The following CD96 variants were observed in gnomAD, a reference collection of about 807,000 sequenced individuals.
CD96 encodes T-cell surface protein tactile.
Under a neutral mutation model 71.3 loss-of-function variants are expected in CD96, and 70 were observed. The ratio of observed to expected loss-of-function variants is 0.98; its 90% CI spans 0.81 to 1.20. CD96 has a LOEUF of 1.20. Among genes scored for constraint, CD96 ranks in the 50% most tolerant of loss-of-function variants. CD96 has a pLI of 0.00. For synonymous variants in CD96, 248 were observed against 233.0 expected (o/e 1.06, Z -0.59); for missense variants, 742 against 677.5 (o/e 1.10, Z -1.06).
intron 5 of CD96, among the ~76,000 whole-genome samples, chr3:111,597,026 G>C (rs1226958684): frequency 6.6e-6 from 1 of 152,158 alleles, no homozygotes; most frequent in Non-Finnish European, 1.5e-5. Context: ...TCTCGAATTT[G>C]GTTTCTCAGC....
intron 8 of CD96, among the ~76,000 whole-genome samples, chr3:111,618,710 G>A (rs1323812984): frequency 4.0e-5 from 6 of 150,754 alleles, no homozygotes; most frequent in South Asian, 2.1e-4. Context: ...TCAGCCTCTC[G>A]AGTAGCTGGG....
chr3:111,604,933 T>C (rs1454561319), intron 7 of CD96, among the ~76,000 whole-genome samples: 1 of 152,232 alleles, frequency 6.6e-6, no homozygotes, highest in East Asian at 1.9e-4. Context: ...ATGATTTCAC[T>C]GTAGGCCATA....
At chr3:111,656,370 G>T (rs1403672248), downstream of CD96, among the ~76,000 whole-genome samples, 4 of 152,120 alleles carry the variant, frequency 2.6e-5, no homozygotes, top group Non-Finnish European at 5.9e-5. Context: ...CGTTATCAAG[G>T]CTTTGGGGAA....
downstream of CD96, among the ~76,000 whole-genome samples, chr3:111,653,296 T>C (rs1940151119): frequency 6.6e-6 from 1 of 152,192 alleles, no homozygotes; most frequent in African/African-American, 2.4e-5. Flanking sequence ...AACAGGCACA[T>C]AAGTTAGATA....
At chr3:111,585,929 C>T (rs1226836883) in intron 5 of CD96, among the ~76,000 whole-genome samples, 1 of 152,050 alleles carries the variant, frequency 6.6e-6, no homozygotes, top group African/African-American at 2.4e-5. Context: ...GTGGTAGTTA[C>T]CAGCCTGTAG....
chr3:111,636,718 T>A (rs1255632076), intron 10 of CD96, among the ~76,000 whole-genome samples: 1 of 152,332 alleles, frequency 6.6e-6, no homozygotes, highest in East Asian at 1.9e-4. Flanking sequence ...ACTGCTGACA[T>A]GTTTTGTTTT....
chr3:111,655,209 G>C (rs1336848975), downstream of CD96, among the ~76,000 whole-genome samples: 1 of 152,156 alleles, frequency 6.6e-6, no homozygotes, highest in Non-Finnish European at 1.5e-5. Context: ...ATCTAACACA[G>C]TAATAAATAA....
At position 111,608,032 on chromosome 3, in the gene CD96, G is replaced by T. The variant is rs548022539; in HGVS notation, c.1180+1240G>T. On this transcript the variant is annotated intron_variant, in intron 8 of 13. Transcript: ENST00000352690. ...ACATATATTGTCGCATATGGTTTCT[G>T]GGGGTCAGAAATTCAGGAGCAGCCT... is the stretch of plus-strand genomic sequence containing the variant. 2.6e-5 allele frequency among the ~76,000 whole-genome samples: 4 copies of T among 152,256 alleles called. No homozygotes were observed. The South Asian group carries it at 8.3e-4, about 32-fold the overall frequency.
At chr3:111,664,283 G>GA (rs34040212) in intron 14 of CD96, among the ~76,000 whole-genome samples, 8 of 151,822 alleles carry the variant, frequency 5.3e-5, no homozygotes, top group African/African-American at 7.2e-5. Flanking sequence ...TTGTGGACTG[G>GA]AAAAAAAATG....
chr3:111,589,559 C>T (rs1228985158), intron 5 of CD96, among the ~76,000 whole-genome samples: 1 of 152,202 alleles, frequency 6.6e-6, no homozygotes, highest in Non-Finnish European at 1.5e-5. Flanking sequence ...TTAGTAACTC[C>T]TCACTCTAAT....
At chr3:111,664,261 G>C (rs1940428402) in intron 14 of CD96, among the ~76,000 whole-genome samples, 1 of 152,022 alleles carries the variant, frequency 6.6e-6, no homozygotes, top group South Asian at 2.1e-4. Context: ...AATCAACCCA[G>C]TTGTCCATCA....
rs1286918792 is a variant in CD96 at position 111,577,372 on chromosome 3, A to C, written c.544-1655A>C. 5 of 777,024 alleles carry C rather than the reference A, an allele frequency of 6.4e-6. No individual in the cohort carries two copies. The African/African-American group carries it at 6.8e-5, about 11-fold the overall frequency. The allele number at this position is 777,024 out of a possible 1,614,324, so 48.1% of individuals were successfully genotyped here. ...TGCCTTCTTAATTATTGACCTCCAG[A>C]CTTGCCAGTGCTGAGTGACATGCTC... On this transcript the variant is annotated intron_variant, in intron 3 of 13. Coordinates refer to ENST00000352690, the MANE Select transcript of CD96 (RefSeq NM_005816.5).
At position 111,650,154 on chromosome 3, in the gene CD96, T is replaced by G; in HGVS notation, c.*348T>G. 1 of 295,610 alleles carries G rather than the reference T, an allele frequency of 3.4e-6. No individual in the cohort carries two copies. The highest frequency in any genetic ancestry group is 4.4e-5 in the Admixed American group (1 of 22,900). The allele number at this position is 295,610 out of a possible 1,614,324, so 18.3% of individuals were successfully genotyped here. A position where few individuals can be genotyped will look rare whatever the true frequency, so the allele number is the denominator to read the frequency against. On this transcript the variant is annotated 3_prime_UTR_variant, in exon 14 of 14. Coordinates refer to ENST00000352690, the MANE Select transcript of CD96 (RefSeq NM_005816.5). Reference sequence around the variant, plus strand: ...AACAATGGTTTCAACTGTATGCCCATGCCTGATCCTCTTATTTGAACATCT... The same window carrying G: ...AACAATGGTTTCAACTGTATGCCCAGGCCTGATCCTCTTATTTGAACATCT...
intron 10 of CD96, among the ~76,000 whole-genome samples, chr3:111,630,977 A>T (rs1020234520): frequency 6.6e-6 from 1 of 152,168 alleles, no homozygotes; most frequent in African/African-American, 2.4e-5. Flanking sequence ...CTCTCAATAA[A>T]CTAAGGATTG....
At chr3:111,595,520 AC>A (rs1937215060) in intron 5 of CD96, 1 of 151,416 alleles carries the variant, frequency 6.6e-6, no homozygotes, top group African/African-American at 2.4e-5. Context: ...CCTTTTCTCC[AC>A]CCCCTCCACC....
At chr3:111,588,837 T>C (rs1362517048) in intron 5 of CD96, among the ~76,000 whole-genome samples, 2 of 152,226 alleles carry the variant, frequency 1.3e-5, no homozygotes, top group Non-Finnish European at 2.9e-5. Context: ...TTTAATCATT[T>C]TTGCTGTGTT....
At chr3:111,593,735 C>G (rs1220864397) in intron 5 of CD96, 6 of 1,614,210 alleles carry the variant, frequency 3.7e-6, no homozygotes, top group Non-Finnish European at 5.1e-6. Context: ...CTCCTTTTCC[C>G]TTTGGCTGGC....
intron 2 of CD96, among the ~76,000 whole-genome samples, chr3:111,548,050 T>A (rs2107470197): frequency 6.6e-6 from 1 of 152,328 alleles, no homozygotes; most frequent in East Asian, 1.9e-4. Context: ...ACTTGTACAG[T>A]TTTCTTCTTA....
downstream of CD96, chr3:111,665,797 T>A (rs1271974977): frequency 6.6e-6 from 1 of 152,204 alleles, no homozygotes; most frequent in South Asian, 2.1e-4. Context: ...TGCAGCAAGA[T>A]CCCACACATG....
Sources: gnomAD v4.1 joint callset for allele counts (sites outside exome capture counted in the v4.1 genomes callset) on GRCh38, gnomAD v4.1.1 for gene constraint, MANE v1.5 for transcripts, NCBI Gene and HGNC (gene_info 2026-07-23, HGNC 2026-07-21) for gene names.